The following SMARCD3 variants were observed in gnomAD, a reference collection of about 807,000 sequenced individuals.
The protein encoded by SMARCD3 is SWI/SNF-related matrix-associated actin-dependent regulator of chromatin subfamily D member 3.
SMARCD3 carries 14 observed loss-of-function variants against 58.0 expected under a neutral mutation model. The observed-to-expected ratio is 0.24, with a 90% CI of 0.16 to 0.38. The LOEUF (loss-of-function observed/expected upper bound fraction) is 0.38, where lower values mean the gene tolerates loss of function less well. SMARCD3 is among the 10% of genes least tolerant of loss of function. The pLI is 1.00. For synonymous variants in SMARCD3, 253 were observed against 253.8 expected, an observed-to-expected ratio of 1.00 and a Z score of 0.03; for missense variants, 408 against 636.9, an observed-to-expected ratio of 0.64 and a Z score of 3.87.
chr7:151,256,923 C>G (rs1335476210), intron 2 of SMARCD3, among the ~76,000 whole-genome samples: 2 of 152,204 alleles, frequency 1.3e-5, no homozygotes, highest in Non-Finnish European at 2.9e-5. Flanking sequence ...TCCTCCACAC[C>G]AAGGACACTG....
In SMARCD3 at chr7:151,248,412, C is replaced by G; in HGVS notation, c.78+73G>C. ...TGGGAGAGCGGGAGCGCCCTCCCGG[C>G]CCCTCCCGATCAGCCCTCCATTCAG... is the stretch of plus-strand genomic sequence containing the variant. On this transcript the variant is annotated intron_variant, in intron 1 of 12. Coordinates refer to ENST00000262188, the MANE Select transcript of SMARCD3 (RefSeq NM_001003801.2). The surrounding 1 kb of genome is among the most constrained non-coding windows in gnomAD (Gnocchi z 6.1). 7.7e-7 allele frequency: 1 copy of G among 1,303,786 alleles called. No individual in the cohort carries two copies. The highest frequency in any genetic ancestry group is 1.1e-6 in the Non-Finnish European group (1 of 909,162). The allele number at this position is 1,303,786 out of a possible 1,614,324, so 80.8% of individuals were successfully genotyped here. A position where few individuals can be genotyped will look rare whatever the true frequency, so the allele number is the denominator to read the frequency against.
rs1802868368 is a variant in SMARCD3 at position 151,239,852 on chromosome 7, G to A, written c.1174-106C>T. The A allele has an allele frequency of 8.0e-7, 1 of 1,247,092 alleles. No individual in the cohort carries two copies. Among genetic ancestry groups the A allele is most frequent in the Non-Finnish European group, 1.1e-6 (1 of 875,032 alleles). 77.3% of individuals were successfully genotyped at this position (1,247,092 alleles called of 1,614,324 possible). A position where few individuals can be genotyped will look rare whatever the true frequency, so the allele number is the denominator to read the frequency against. ...AGGGAGAGGGGGTTTCTTCTGTGAA[G>A]GACAACCCCTCAGAGCCCCTGATTT... On this transcript the variant is annotated intron_variant, in intron 10 of 12. Transcript: ENST00000262188. The surrounding 1 kb of genome is among the most constrained non-coding windows in gnomAD (Gnocchi z 7.0).
rs73169680 is a variant in SMARCD3, at chr7:151,258,151, A to G, written c.40-12480T>C. Among the ~76,000 whole-genome samples, 120 of 152,240 alleles carry G rather than the reference A, an allele frequency of 7.9e-4. 1 individual carries two copies. The highest frequency in any genetic ancestry group is 1.2e-3 in the Non-Finnish European group (85 of 68,016). ...ACATCCTATTGGCTCTGGACCCAGCAGCCCACTGCTTCTCACCTCTCCCCG... is the reference window on the plus strand; with the variant it reads ...ACATCCTATTGGCTCTGGACCCAGCGGCCCACTGCTTCTCACCTCTCCCCG... On this transcript the variant is annotated intron_variant, in intron 2 of 13. Transcript: ENST00000356800.
chr7:151,242,318 C>A lies in SMARCD3; in HGVS notation c.580-86G>T. On this transcript the variant is annotated intron_variant, in intron 5 of 12. Coordinates refer to ENST00000262188, the MANE Select transcript of SMARCD3 (RefSeq NM_001003801.2). The surrounding 1 kb of genome is among the most constrained non-coding windows in gnomAD (Gnocchi z 4.7). The stretch of plus-strand genomic sequence containing the variant: ...GAGGCCAAGTTGGCAGCCGACAGGG[C>A]AGTGGGCTTAGATGAAATCCTCTGC... The A allele has an allele frequency of 7.2e-7, 1 of 1,395,924 alleles. No homozygotes were observed. The highest frequency in any genetic ancestry group is 1.0e-6 in the Non-Finnish European group (1 of 984,292). The allele number at this position is 1,395,924 out of a possible 1,614,324, so 86.5% of individuals were successfully genotyped here. A position where few individuals can be genotyped will look rare whatever the true frequency, so the allele number is the denominator to read the frequency against.
Position 151,241,753 on chromosome 7 carries a change from C to T in SMARCD3, c.778-100G>A. The T allele has an allele frequency of 1.4e-6, 2 of 1,395,310 alleles. No individual in the cohort carries two copies. Among genetic ancestry groups the T allele is most frequent in the South Asian group, 1.2e-5 (1 of 82,156 alleles). The allele number at this position is 1,395,310 out of a possible 1,614,324, so 86.4% of individuals were successfully genotyped here. A position where few individuals can be genotyped will look rare whatever the true frequency, so the allele number is the denominator to read the frequency against. ...TAGGGGGATGTGTTGATTGAGGAAA[C>T]ATGCCCCTGGGGAAGGATAGGTTTG... On this transcript the variant is annotated intron_variant, in intron 7 of 12. Coordinates refer to ENST00000262188, the MANE Select transcript of SMARCD3 (RefSeq NM_001003801.2). The surrounding 1 kb of genome is among the most constrained non-coding windows in gnomAD (Gnocchi z 5.3).
chr7:151,260,167 TCC>T (rs1803871217), intron 2 of SMARCD3, among the ~76,000 whole-genome samples: 1 of 152,124 alleles, frequency 6.6e-6, no homozygotes, highest in South Asian at 2.1e-4. Flanking sequence ...CTGGGTTTTC[TCC>T]TTTACCCCAA....
rs377365336 is a variant in SMARCD3 at position 151,246,488 on chromosome 7, A to T, written c.79-817T>A. 6.6e-5 allele frequency among the ~76,000 whole-genome samples: 10 copies of T among 151,884 alleles called. No homozygotes were observed. The highest frequency in any genetic ancestry group is 3.9e-4 in the East Asian group (2 of 5,162). On this transcript the variant is annotated intron_variant, in intron 1 of 12. Transcript: ENST00000262188. This position sits in a 1 kb window ranked among gnomAD's most constrained non-coding sequence, Gnocchi z 4.4. ...CAGCCAGGATTCTCTGATTGGGAGG[A>T]GGGGAACTGCGTTAGAGGTGGGCTG... is the stretch of plus-strand genomic sequence containing the variant.
chr7:151,260,543 C>T (rs553413559), intron 2 of SMARCD3, among the ~76,000 whole-genome samples: 9 of 152,292 alleles, frequency 5.9e-5, no homozygotes, highest in African/African-American at 2.2e-4. Context: ...CCCCTTGCTC[C>T]TCTGGCTTCT....
intron 2 of SMARCD3, among the ~76,000 whole-genome samples, chr7:151,269,776 C>T (rs1247729995): frequency 1.3e-5 from 2 of 152,178 alleles, no homozygotes. Flanking sequence ...TGGCGAGGGG[C>T]GCTCGGTGAA....
At position 151,259,601 on chromosome 7, in the gene SMARCD3, GTTTTTTT is replaced by G. The variant is rs112223142; in HGVS notation, c.40-13937_40-13931del. Among the ~76,000 whole-genome samples the G allele has an allele frequency of 1.4e-4, 10 of 70,532 alleles. 1 individual carries two copies. Among genetic ancestry groups the G allele is most frequent in the African/African-American group, 4.7e-4 (8 of 17,170 alleles). 46.3% of individuals were successfully genotyped at this position (70,532 alleles called of 152,430 possible). A position where few individuals can be genotyped will look rare whatever the true frequency, so the allele number is the denominator to read the frequency against. On this transcript the variant is annotated intron_variant, in intron 2 of 13. Transcript: ENST00000356800. ...TGCCAGCTGAGGTTACAACCTGAGA[GTTTTTTT>G]TTTTTTTTTTTTTTTTTTGAGACGG...
chr7:151,275,870 G>A (rs1445121183), intron 1 of SMARCD3, among the ~76,000 whole-genome samples: 1 of 152,180 alleles, frequency 6.6e-6, no homozygotes, highest in Non-Finnish European at 1.5e-5. Flanking sequence ...GTGGGGCATG[G>A]GAGCTAAGAA....
intron 2 of SMARCD3, among the ~76,000 whole-genome samples, chr7:151,263,442 T>G (rs1382893617): frequency 6.6e-6 from 1 of 152,088 alleles, no homozygotes; most frequent in Non-Finnish European, 1.5e-5. Context: ...CAAAGCCCTG[T>G]CTTTGCCCTC....
chr7:151,239,162 G>C lies in SMARCD3; in HGVS notation c.1399-6C>G. 6.2e-7 allele frequency: 1 copy of C among 1,614,112 alleles called. No homozygotes were observed. Among genetic ancestry groups the C allele is most frequent in the Non-Finnish European group, 8.5e-7 (1 of 1,179,984 alleles). ...TCCTGCCTGCGCTGCTGGATCTTTA[G>C]AGGAAGTGAGAACAGGAGCAGGTGT... On this transcript the variant is annotated splice_polypyrimidine_tract_variant and splice_region_variant and intron_variant, in intron 12 of 12. Coordinates refer to ENST00000262188, the MANE Select transcript of SMARCD3 (RefSeq NM_001003801.2). This position sits in a 1 kb window ranked among gnomAD's most constrained non-coding sequence, Gnocchi z 7.0.
rs1803074310 is a variant in SMARCD3 at position 151,242,949 on chromosome 7, C to T, written c.334-106G>A. 4 of 1,400,520 alleles carry T rather than the reference C, an allele frequency of 2.9e-6. No homozygotes were observed. The highest frequency in any genetic ancestry group is 3.9e-6 in the Non-Finnish European group (4 of 1,031,590). 86.8% of individuals were successfully genotyped at this position (1,400,520 alleles called of 1,614,324 possible). On this transcript the variant is annotated intron_variant, in intron 3 of 12. Transcript: ENST00000262188. This position sits in a 1 kb window ranked among gnomAD's most constrained non-coding sequence, Gnocchi z 4.7. ...TAGGGTACAAAAGATGTCAGGGGAGCCATCCTACTTTTGGGCATGTAGCTT... is the reference window on the plus strand; with the variant it reads ...TAGGGTACAAAAGATGTCAGGGGAGTCATCCTACTTTTGGGCATGTAGCTT...
intron 2 of SMARCD3, among the ~76,000 whole-genome samples, chr7:151,258,981 C>T (rs775791891): frequency 6.6e-6 from 1 of 152,176 alleles, no homozygotes; most frequent in Non-Finnish European, 1.5e-5. Flanking sequence ...ACTTTCCCTA[C>T]AGGACCCTAC....
chr7:151,275,354 G>C (rs866447641), intron 1 of SMARCD3: 110 of 600,916 alleles, frequency 1.8e-4, no homozygotes, highest in Middle Eastern at 1.0e-3. Flanking sequence ...GAGGAAGCCA[G>C]GACACTGTGC....
At chr7:151,249,662 G>T (rs919099588), upstream of SMARCD3, among the ~76,000 whole-genome samples, 3 of 151,512 alleles carry the variant, frequency 2.0e-5, no homozygotes, top group Admixed American at 1.3e-4. This position sits in a 1 kb window ranked among gnomAD's most constrained non-coding sequence, Gnocchi z 4.8. Context: ...TGGGGGTGGA[G>T]TGGGGTTAGG....
chr7:151,246,828 G>A lies in SMARCD3; in HGVS notation c.79-1157C>T, dbSNP rs770169467. Among the ~76,000 whole-genome samples the A allele has an allele frequency of 5.1e-4, 77 of 152,252 alleles. No homozygotes were observed. Among genetic ancestry groups the A allele is most frequent in the Admixed American group, 8.5e-4 (13 of 15,286 alleles). ...TCAGGGGCTGTGAAACAGAAAGAGC[G>A]GGGTGGGATGGGGACTGGGACCACG... On this transcript the variant is annotated intron_variant, in intron 1 of 12. Coordinates refer to ENST00000262188, the MANE Select transcript of SMARCD3 (RefSeq NM_001003801.2). This position sits in a 1 kb window ranked among gnomAD's most constrained non-coding sequence, Gnocchi z 4.4.
rs1803116273 is a variant in SMARCD3, at chr7:151,243,687, TTCC to T, written c.302_304del (p.Arg101del). 6.2e-7 allele frequency: 1 copy of T among 1,611,412 alleles called. No homozygotes were observed. Among genetic ancestry groups the T allele is most frequent in the Middle Eastern group, 1.7e-4 (1 of 6,056 alleles). ...TTGAGGGAGGATTTTGTCAGCCATC[TTCC>T]TCCTCTTGGCACTGTACATTTTTTA... On this transcript the variant is annotated inframe_deletion, in exon 3 of 13. Coordinates refer to ENST00000262188, the MANE Select transcript of SMARCD3 (RefSeq NM_001003801.2). This position sits in a 1 kb window ranked among gnomAD's most constrained non-coding sequence, Gnocchi z 4.4.
Sources: gnomAD v4.1 joint callset for allele counts (sites outside exome capture counted in the v4.1 genomes callset) on GRCh38, gnomAD v4.1.1 for gene constraint, Gnocchi (gnomAD v3.1) non-coding constraint, MANE v1.5 for transcripts, NCBI Gene and HGNC (gene_info 2026-07-23, HGNC 2026-07-21) for gene names.